TPGS1: variants seen among roughly 807,000 people sequenced by gnomAD.
TPGS1 encodes the protein gene trap ROSA b-geo 22.
Under a neutral mutation model 11.9 loss-of-function variants are expected in TPGS1, and 18 were observed. The observed-to-expected ratio is 1.51, with a 90% CI of 1.04 to 2.24. TPGS1 has a LOEUF of 2.24. TPGS1 is among the 30% of genes most tolerant of loss of function. The pLI is 0.00. For synonymous variants in TPGS1, 247 were observed against 218.2 expected (o/e 1.13, Z -1.16); for missense variants, 500 against 443.0 (o/e 1.13, Z -1.16).
intron 1 of TPGS1, chr19:508,848 G>T (rs187188454): frequency 6.6e-6 from 1 of 152,402 alleles, no homozygotes; most frequent in African/African-American, 2.4e-5. Context: ...TCAGATAAGG[G>T]TGGCAGGGTG....
intron 1 of TPGS1, among the ~76,000 whole-genome samples, chr19:513,109 G>T (rs1978849659): frequency 1.3e-5 from 2 of 152,200 alleles, no homozygotes; most frequent in South Asian, 4.1e-4. Context: ...GGTTTGGGGT[G>T]TGATCTGTGA....
chr19:509,290 C>T (rs1235415180), intron 1 of TPGS1: 2 of 152,260 alleles, frequency 1.3e-5, no homozygotes, highest in African/African-American at 4.8e-5. Flanking sequence ...AGAGAATCTC[C>T]CAAGGAGGAA....
intron 1 of TPGS1, among the ~76,000 whole-genome samples, chr19:511,996 C>T (rs569362664): frequency 8.0e-4 from 122 of 152,236 alleles, no homozygotes; most frequent in Middle Eastern, 3.4e-3. Context: ...CTCAGCCTCC[C>T]GAGTAGCTGG....
chr19:507,703 TC>T lies in TPGS1; in HGVS notation c.199del (p.Leu67TrpfsTer14). 1 of 1,395,876 alleles carries T rather than the reference TC, an allele frequency of 7.2e-7. No individual in the cohort carries two copies. The highest frequency in any genetic ancestry group is 1.6e-5 in the South Asian group (1 of 63,492). The allele number at this position is 1,395,876 out of a possible 1,614,324, so 86.5% of individuals were successfully genotyped here. ...LEARPEEPIA[F>X]LAHYFENMGL... ...GCGCGGCCCGAGGAGCCGATCGCCTTCCTGGCTCACTACTTCGAGAACATGG... is the reference window on the plus strand; with the variant it reads ...GCGCGGCCCGAGGAGCCGATCGCCTTCTGGCTCACTACTTCGAGAACATGG... On this transcript the variant is annotated frameshift_variant, in exon 1 of 2. Coordinates refer to ENST00000359315, the MANE Select transcript of TPGS1 (RefSeq NM_033513.3). LOFTEE classifies it high-confidence loss of function.
At chr19:509,911 G>C (rs1170864404) in intron 1 of TPGS1, 1 of 152,450 alleles carries the variant, frequency 6.6e-6, no homozygotes, top group Non-Finnish European at 1.5e-5. Flanking sequence ...GGGCTCCCCA[G>C]AGACACAGCC....
At position 513,671 on chromosome 19, in the gene TPGS1, T is replaced by A. The variant is rs78145865; in HGVS notation, c.339-5218T>A. On this transcript the variant is annotated intron_variant, in intron 1 of 1. Coordinates refer to ENST00000359315, the MANE Select transcript of TPGS1 (RefSeq NM_033513.3). ...CTGAGCACCTACTGCATACTGGCCC[T>A]GCATTACTGAGTACCTACTGCACAC... 7.6e-3 allele frequency among the ~76,000 whole-genome samples: 323 copies of A among 42,576 alleles called. 3 individuals are homozygous for A. The highest frequency in any genetic ancestry group is 0.019 in the African/African-American group (173 of 9,290). 27.9% of individuals were successfully genotyped at this position (42,576 alleles called of 152,430 possible). A position where few individuals can be genotyped will look rare whatever the true frequency, so the allele number is the denominator to read the frequency against.
At chr19:515,994 TG>T (rs373723432) in intron 1 of TPGS1, among the ~76,000 whole-genome samples, 2,172 of 144,516 alleles carry the variant, frequency 0.015, 65 homozygotes, top group South Asian at 0.11. Flanking sequence ...ATCCCGCCAC[TG>T]CACTCCAGCC....
At position 507,550 on chromosome 19, in the gene TPGS1, C is replaced by A; in HGVS notation, c.44C>A (p.Ala15Asp). The A allele has an allele frequency of 3.5e-6, 5 of 1,419,322 alleles. No homozygotes were observed. The highest frequency in any genetic ancestry group is 3.7e-6 in the Non-Finnish European group (4 of 1,082,220). 87.9% of individuals were successfully genotyped at this position (1,419,322 alleles called of 1,614,324 possible). A position where few individuals can be genotyped will look rare whatever the true frequency, so the allele number is the denominator to read the frequency against. Residue 15 changes from alanine to aspartate, a missense_variant, in exon 1 of 2, where the codon GCC (alanine) becomes GAC (aspartate). Transcript: ENST00000359315. Reference sequence around the variant, plus strand: ...CGGCGGCAAGCGGTACCACCGCCGGCCGGTTTCACGGACAGCGGCCGCCAG... The same window carrying A: ...CGGCGGCAAGCGGTACCACCGCCGGACGGTTTCACGGACAGCGGCCGCCAG... ...EKRRQAVPPP[A>D]GFTDSGRQSV...
intron 1 of TPGS1, among the ~76,000 whole-genome samples, chr19:510,801 G>A (rs762560935): frequency 6.6e-6 from 1 of 152,188 alleles, no homozygotes; most frequent in East Asian, 1.9e-4. Flanking sequence ...AAACGTGCAC[G>A]AAAACGAAGC....
At chr19:508,005 G>A (rs1166200029) in intron 1 of TPGS1, 161 bp downstream of exon 1, 4 of 531,894 alleles carry the variant, frequency 7.5e-6, no homozygotes, top group Middle Eastern at 5.4e-4. Context: ...GGACAAGGTG[G>A]GCTGGAGGGT....
At chr19:516,932 C>A (rs565243947) in intron 1 of TPGS1, among the ~76,000 whole-genome samples, 8 of 152,298 alleles carry the variant, frequency 5.3e-5, no homozygotes, top group African/African-American at 1.7e-4. Context: ...TTTAAAATTT[C>A]TATGACTACT....
At chr19:512,566 A>C (rs554822810) in intron 1 of TPGS1, among the ~76,000 whole-genome samples, 1 of 152,248 alleles carries the variant, frequency 6.6e-6, no homozygotes, top group South Asian at 2.1e-4. Flanking sequence ...ATTCCCGCTG[A>C]AAGTGGGCCA....
At position 519,169 on chromosome 19, in the gene TPGS1, G is replaced by A. The variant is rs1044888212; in HGVS notation, c.619G>A (p.Asp207Asn). Residue 207 changes from aspartate (D) to asparagine (N), a missense_variant, in exon 2 of 2, where the codon GAC (aspartate) becomes AAC (asparagine). Coordinates refer to ENST00000359315, the MANE Select transcript of TPGS1 (RefSeq NM_033513.3). ...CGGCGCGCTCTTCCAGCTGCTGGAG[G>A]ACTCGGCCGCCGCCGTGGCCGACCG... Reference protein sequence around the residue: ...RAGALFQLLEDSAAAVADRRV... With the variant: ...RAGALFQLLENSAAAVADRRV... 11 of 1,500,582 alleles carry A rather than the reference G, an allele frequency of 7.3e-6. No individual in the cohort carries two copies. Among genetic ancestry groups the A allele is most frequent in the Non-Finnish European group, 9.7e-6 (11 of 1,132,460 alleles). The allele number at this position is 1,500,582 out of a possible 1,614,324, so 93.0% of individuals were successfully genotyped here. A position where few individuals can be genotyped will look rare whatever the true frequency, so the allele number is the denominator to read the frequency against.
Position 518,891 on chromosome 19 carries a change from C to A in TPGS1, c.341C>A (p.Ala114Asp). Residue 114 changes from alanine to aspartate, a missense_variant and splice_region_variant, in exon 2 of 2, where the codon GCC becomes GAC. Coordinates refer to ENST00000359315, the MANE Select transcript of TPGS1 (RefSeq NM_033513.3). ...CCCCAACGTCCCCGTCTCCGCAGGG[C>A]CGCCTTCAACAACAACGTGAGCGTG... ...HLRLAHHSQR[A>D]AFNNNVSVAY... 6.6e-7 allele frequency: 1 copy of A among 1,520,966 alleles called. No homozygotes were observed. The highest frequency in any genetic ancestry group is 8.8e-7 in the Non-Finnish European group (1 of 1,141,764). The allele number at this position is 1,520,966 out of a possible 1,614,324, so 94.2% of individuals were successfully genotyped here.
chr19:519,340 C>G lies in TPGS1; in HGVS notation c.790C>G (p.Arg264Gly), dbSNP rs1201495209. The G allele has an allele frequency of 5.0e-6, 6 of 1,198,888 alleles. No homozygotes were observed. In the Admixed American group the frequency reaches 2.2e-4, roughly 44 times the overall value. The allele number at this position is 1,198,888 out of a possible 1,614,324, so 74.3% of individuals were successfully genotyped here. Residue 264 changes from arginine to glycine, a missense_variant, in exon 2 of 2, where the codon CGG becomes GGG. Arg to Gly is a moderately radical substitution (Grantham distance 125). Coordinates refer to ENST00000359315, the MANE Select transcript of TPGS1 (RefSeq NM_033513.3). ...GCTGGACCGCGCCGTCGGGGGGCGG[C>G]GGCCCAGCGCGCCCATGACCCGCGA... ...LALDRAVGGR[R>G]PSAPMTREEF...
intron 1 of TPGS1, among the ~76,000 whole-genome samples, chr19:512,252 C>T (rs989362370): frequency 1.3e-5 from 2 of 152,208 alleles, no homozygotes; most frequent in African/African-American, 4.8e-5. Flanking sequence ...CAGCCTCGAC[C>T]GCCTGGGCTC....
At chr19:518,349 T>A (rs369984476) in intron 1 of TPGS1, among the ~76,000 whole-genome samples, 1 of 1,428 alleles carries the variant, frequency 7.0e-4, no homozygotes, top group African/African-American at 5.9e-3. Context: ...GCTGGTGGGG[T>A]GGGGAGGGGA....
chr19:509,343 G>A lies in TPGS1; in HGVS notation c.338+1499G>A, dbSNP rs944685733. ...CCCACCACGTATGGTTGTTCAGGTT[G>A]AGCACTGCACAAGCCACTCACCCCG... On this transcript the variant is annotated intron_variant, in intron 1 of 1. Transcript: ENST00000359315. 2.6e-4 allele frequency: 39 copies of A among 152,234 alleles called. 1 individual carries two copies. The allele number at this position is 152,234 out of a possible 1,614,324, so 9.4% of individuals were successfully genotyped here.
In TPGS1 at chr19:518,936, C is replaced by T; in HGVS notation, c.386C>T (p.Ala129Val). The change falls in exon 2 of 2, where the codon GCC becomes GTC. Residue 129 changes from alanine to valine, a missense_variant. By Grantham distance (64) the Ala-to-Val change is moderately conservative. Coordinates refer to ENST00000359315, the MANE Select transcript of TPGS1 (RefSeq NM_033513.3). ...AGCGTGGCCTACGAGTGCCTGAGCGCCGGCGGGCGCAGGAAGAGGCCGGGG... is the reference window on the plus strand; with the variant it reads ...AGCGTGGCCTACGAGTGCCTGAGCGTCGGCGGGCGCAGGAAGAGGCCGGGG... ...NVSVAYECLS[A>V]GGRRKRPGLD... 6.3e-7 allele frequency: 1 copy of T among 1,579,178 alleles called. No homozygotes were observed. The highest frequency in any genetic ancestry group is 8.5e-7 in the Non-Finnish European group (1 of 1,169,708).
Sources: gnomAD v4.1 joint callset for allele counts (sites outside exome capture counted in the v4.1 genomes callset) on GRCh38, gnomAD v4.1.1 for gene constraint, MANE v1.5 for transcripts, NCBI Gene and HGNC (gene_info 2026-07-23, HGNC 2026-07-21) for gene names.